Variants in TENM3 observed in about 807,000 individuals in gnomAD.
The protein encoded by TENM3 is teneurin transmembrane protein 3, also known as teneurin-3.
A neutral mutation model predicts 255.1 loss-of-function variants in TENM3; 63 were observed. The observed-to-expected ratio is 0.25, with a 90% CI of 0.20 to 0.30. The LOEUF (loss-of-function observed/expected upper bound fraction) is 0.30, where lower values mean the gene tolerates loss of function less well. Among genes scored for constraint, TENM3 ranks in the 10% least tolerant of loss-of-function variants. TENM3 has a pLI of 1.00. For synonymous variants in TENM3, 1,306 were observed against 1,322.3 expected (o/e 0.99, Z 0.27); for missense variants, 2,929 against 3,461.1 (o/e 0.85, Z 3.86).
the TENM3 span, among the ~76,000 whole-genome samples, chr4:181,585,086 A>G: frequency 6.6e-6 from 1 of 151,908 alleles, no homozygotes; most frequent in Admixed American, 6.6e-5. Flanking sequence ...TGATGCGATC[A>G]CTAACTGCCT....
chr4:181,750,681 A>G, the TENM3 span, among the ~76,000 whole-genome samples: 1 of 152,190 alleles, frequency 6.6e-6, no homozygotes, highest in Non-Finnish European at 1.5e-5. Flanking sequence ...CATATTGGGT[A>G]GATATCAAAT....
chr4:181,732,887 A>G, the TENM3 span, among the ~76,000 whole-genome samples: 12 of 152,218 alleles, frequency 7.9e-5, no homozygotes, highest in African/African-American at 2.9e-4. Flanking sequence ...ACTATTGTAT[A>G]GACGTTAATT....
the TENM3 span, among the ~76,000 whole-genome samples, chr4:181,860,633 A>AGGCCTGAGGTTGAC: frequency 6.6e-6 from 1 of 152,204 alleles, no homozygotes; most frequent in Non-Finnish European, 1.5e-5. Flanking sequence ...CAGGTTGACG[A>AGGCCTGAGGTTGAC]AGGGCAGAGG....
At chr4:181,962,666 A>G in the TENM3 span, among the ~76,000 whole-genome samples, 6 of 152,216 alleles carry the variant, frequency 3.9e-5, no homozygotes, top group African/African-American at 1.2e-4. Flanking sequence ...TTTTAAAAAG[A>G]CACACAAATT....
At chr4:181,719,690 G>A in the TENM3 span, among the ~76,000 whole-genome samples, 6 of 152,252 alleles carry the variant, frequency 3.9e-5, 1 homozygote, top group Admixed American at 3.9e-4. Flanking sequence ...TGAATTTGGG[G>A]GGATTCAAAC....
chr4:182,352,415 A>G (rs867702295), intron 3 of TENM3, among the ~76,000 whole-genome samples: 2 of 152,186 alleles, frequency 1.3e-5, no homozygotes, highest in East Asian at 3.9e-4. Context: ...CCTCAAAGGC[A>G]TGTTACTTAG....
At chr4:181,656,570 G>A in the TENM3 span, among the ~76,000 whole-genome samples, 1 of 152,160 alleles carries the variant, frequency 6.6e-6, no homozygotes, top group African/African-American at 2.4e-5. Context: ...GAGGGTCTGA[G>A]TTCGGTTTTG....
chr4:182,069,252 C>T, the TENM3 span, among the ~76,000 whole-genome samples: 1 of 152,172 alleles, frequency 6.6e-6, no homozygotes, highest in Admixed American at 6.5e-5. Flanking sequence ...TCATGGAGAG[C>T]TGAATATTCC....
chr4:182,482,986 A>G (rs1734341608), intron 3 of TENM3, among the ~76,000 whole-genome samples: 1 of 152,198 alleles, frequency 6.6e-6, no homozygotes, highest in Non-Finnish European at 1.5e-5. Flanking sequence ...AATTAAGAAT[A>G]TTACCCAAAT....
chr4:182,100,692 TAC>T, the TENM3 span, among the ~76,000 whole-genome samples: 477 of 50,618 alleles, frequency 9.4e-3, 28 homozygotes, highest in African/African-American at 0.027. Context: ...CACATATATA[TAC>T]ACACATATAT....
At chr4:181,747,292 G>T in the TENM3 span, among the ~76,000 whole-genome samples, 1 of 151,992 alleles carries the variant, frequency 6.6e-6, no homozygotes, top group Non-Finnish European at 1.5e-5. Flanking sequence ...TTGGGCATTA[G>T]AATTTTTCTA....
the TENM3 span, among the ~76,000 whole-genome samples, chr4:181,724,341 C>T: frequency 6.6e-6 from 1 of 151,868 alleles, no homozygotes; most frequent in Non-Finnish European, 1.5e-5. Flanking sequence ...ATCTCTTGTC[C>T]ATTTTCTCTT....
At chr4:181,674,431 C>T in the TENM3 span, among the ~76,000 whole-genome samples, 56 of 149,626 alleles carry the variant, frequency 3.7e-4, no homozygotes, top group Middle Eastern at 3.5e-3. Flanking sequence ...AAAAAAAACT[C>T]ATGTTAAATT....
intron 1 of TENM3, among the ~76,000 whole-genome samples, chr4:182,158,384 C>T (rs1301284241): frequency 2.0e-5 from 3 of 151,922 alleles, no homozygotes; most frequent in South Asian, 2.1e-4. Flanking sequence ...GATGTAGCTG[C>T]GGAGATCTGC....
At position 182,777,511 on chromosome 4, in the gene TENM3, A is replaced by ATGTGTG. The variant is rs150202066; in HGVS notation, c.5304+2384_5304+2389dup. ...CTCTCTGTCTATACATAATGTGTTT[A>ATGTGTG]TGTGTGTGTGTGTGTGTGTGTGTGT... is the stretch of plus-strand genomic sequence containing the variant. On this transcript the variant is annotated intron_variant, in intron 24 of 27. Transcript: ENST00000511685. 5.9e-3 allele frequency among the ~76,000 whole-genome samples: 585 copies of ATGTGTG among 99,880 alleles called. 7 individuals carry two copies. The highest frequency in any genetic ancestry group is 0.021 in the Middle Eastern group (3 of 140). 65.5% of individuals were successfully genotyped at this position (99,880 alleles called of 152,430 possible).
chr4:182,198,187 G>T (rs1482800070), intron 1 of TENM3, among the ~76,000 whole-genome samples: 1 of 152,034 alleles, frequency 6.6e-6, no homozygotes, highest in Non-Finnish European at 1.5e-5. Context: ...CTGACCCTGG[G>T]CCGTTTACTC....
chr4:181,897,047 A>G, the TENM3 span, among the ~76,000 whole-genome samples: 1 of 152,108 alleles, frequency 6.6e-6, no homozygotes, highest in African/African-American at 2.4e-5. Context: ...CCTGCTTTTC[A>G]CCCTGACATT....
chr4:181,462,129 T>A, the TENM3 span, among the ~76,000 whole-genome samples: 1 of 152,180 alleles, frequency 6.6e-6, no homozygotes, highest in Non-Finnish European at 1.5e-5. Context: ...TAAAGTGATA[T>A]CCCATTTGAG....
rs558807418 is a variant in TENM3, at chr4:182,310,626, G to A, written c.-75-13320G>A. Among the ~76,000 whole-genome samples, 10 of 151,916 alleles carry A rather than the reference G, an allele frequency of 6.6e-5. No individual in the cohort carries two copies. In the South Asian group the frequency reaches 2.1e-3, roughly 32 times the overall value. On this transcript the variant is annotated intron_variant, in intron 1 of 27. Coordinates refer to ENST00000511685, the MANE Select transcript of TENM3 (RefSeq NM_001080477.4). Reference sequence around the variant, plus strand: ...GGCTGTTCCTGGACCCCACGACTGGGGTCTGTTCCACCCCAACCCCTTTGT... The same window carrying A: ...GGCTGTTCCTGGACCCCACGACTGGAGTCTGTTCCACCCCAACCCCTTTGT...
Sources: allele counts gnomAD v4.1 joint callset (sites outside exome capture counted in the v4.1 genomes callset), GRCh38; gene constraint gnomAD v4.1.1; transcripts MANE v1.5; gene names NCBI Gene and HGNC (gene_info 2026-07-23, HGNC 2026-07-21).